The following PPP1R9A variants were observed in gnomAD, a reference collection of about 807,000 sequenced individuals.
The protein encoded by PPP1R9A is neurabin-1.
A neutral mutation model predicts 141.9 loss-of-function variants in PPP1R9A; 59 were observed. The observed-to-expected ratio is 0.42, with a 90% confidence interval of 0.34 to 0.52. The LOEUF (loss-of-function observed/expected upper bound fraction) is 0.52. PPP1R9A is among the 20% of genes least tolerant of loss of function. The probability of loss-of-function intolerance (pLI) is 0.10; values close to 1 mark genes in which losing one functional copy is unlikely to be tolerated. For missense variants in PPP1R9A, 1,444 were observed against 1,611.9 expected (o/e 0.90, Z 1.78); for synonymous variants, 500 against 569.7 (o/e 0.88, Z 1.74).
intron 2 of PPP1R9A, among the ~76,000 whole-genome samples, chr7:94,995,014 G>T (rs1801993846): frequency 6.6e-6 from 1 of 152,006 alleles, no homozygotes; most frequent in South Asian, 2.1e-4. Context: ...ACTGTTTAAT[G>T]CAGTTTGCTA....
At chr7:95,068,193 G>C (rs1235764870) in intron 2 of PPP1R9A, among the ~76,000 whole-genome samples, 2 of 152,180 alleles carry the variant, frequency 1.3e-5, no homozygotes, top group Admixed American at 1.3e-4. Context: ...CATTCGGCCA[G>C]GCGTGGTGGC....
intron 16 of PPP1R9A, among the ~76,000 whole-genome samples, chr7:95,280,406 A>C (rs1803977073): frequency 6.6e-6 from 1 of 152,232 alleles, no homozygotes; most frequent in Admixed American, 6.5e-5. Flanking sequence ...TCAAAGTTAG[A>C]ATGACAACAA....
intron 2 of PPP1R9A, among the ~76,000 whole-genome samples, chr7:95,081,171 A>G (rs749865152): frequency 4.6e-5 from 7 of 152,204 alleles, no homozygotes; most frequent in Non-Finnish European, 8.8e-5. Context: ...AAGCTTAAGG[A>G]TATTTGTAGA....
At chr7:94,990,565 A>G (rs1801381854) in intron 2 of PPP1R9A, among the ~76,000 whole-genome samples, 1 of 152,066 alleles carries the variant, frequency 6.6e-6, no homozygotes, top group Admixed American at 6.5e-5. Context: ...GGAATGTTTA[A>G]TATCCTCTTT....
At chr7:95,120,606 A>G (rs1822392824) in intron 3 of PPP1R9A, 106 bp from the exon 4 acceptor site, 5 of 1,281,584 alleles carry the variant, frequency 3.9e-6, no homozygotes, top group Non-Finnish European at 5.4e-6. Flanking sequence ...TGTCCTATCC[A>G]TAAGGAAAAA....
intron 5 of PPP1R9A, among the ~76,000 whole-genome samples, chr7:95,194,525 A>G (rs763550157): frequency 2.6e-5 from 4 of 152,040 alleles, no homozygotes; most frequent in Non-Finnish European, 4.4e-5. Context: ...GAAGTAAAAT[A>G]TGTATTTCTT....
chr7:95,120,518 A>G (rs757590071), intron 3 of PPP1R9A, among the ~76,000 whole-genome samples, 194 bp from the exon 4 acceptor site: 5 of 152,366 alleles, frequency 3.3e-5, no homozygotes, highest in Non-Finnish European at 7.3e-5. Flanking sequence ...TGCTAAATGC[A>G]TGAGCCTTTT....
At chr7:95,029,811 A>AT (rs1807404054) in intron 2 of PPP1R9A, among the ~76,000 whole-genome samples, 1 of 152,102 alleles carries the variant, frequency 6.6e-6, no homozygotes, top group South Asian at 2.1e-4. Flanking sequence ...TTGATTTCAT[A>AT]TTTCTGATGC....
chr7:95,103,741 G>T (rs1000601380), intron 2 of PPP1R9A, among the ~76,000 whole-genome samples: 1 of 152,072 alleles, frequency 6.6e-6, no homozygotes, highest in African/African-American at 2.4e-5. Flanking sequence ...TGTCCTAATA[G>T]ACTTTGTCTT....
At chr7:94,986,676 A>G (rs1188291207) in intron 2 of PPP1R9A, among the ~76,000 whole-genome samples, 6 of 152,220 alleles carry the variant, frequency 3.9e-5, no homozygotes, top group Non-Finnish European at 7.3e-5. Context: ...ATCCAGATTT[A>G]ATCATTATAC....
intron 5 of PPP1R9A, among the ~76,000 whole-genome samples, chr7:95,189,670 T>C (rs1222598100): frequency 6.6e-6 from 1 of 151,860 alleles, no homozygotes; most frequent in Non-Finnish European, 1.5e-5. Flanking sequence ...TCTCCTGACC[T>C]CGTGATCCGC....
At chr7:95,240,565 A>AT (rs1219985684) in intron 8 of PPP1R9A, among the ~76,000 whole-genome samples, 2 of 151,086 alleles carry the variant, frequency 1.3e-5, no homozygotes, top group Non-Finnish European at 3.0e-5. Flanking sequence ...CTTTTTGTTA[A>AT]TTTTTTATTG....
At chr7:95,009,307 A>AAT (rs905919950) in intron 2 of PPP1R9A, among the ~76,000 whole-genome samples, 7 of 152,184 alleles carry the variant, frequency 4.6e-5, no homozygotes, top group Non-Finnish European at 1.0e-4. Flanking sequence ...TAATGAAGAA[A>AAT]ATATATATTA....
chr7:95,271,126 G>C (rs1460204490), intron 14 of PPP1R9A, among the ~76,000 whole-genome samples: 4 of 152,154 alleles, frequency 2.6e-5, no homozygotes, highest in African/African-American at 9.7e-5. Flanking sequence ...AAGGTACAAG[G>C]CTATCCCAGC....
chr7:95,052,750 T>G (rs956236497), intron 2 of PPP1R9A, among the ~76,000 whole-genome samples: 2 of 152,184 alleles, frequency 1.3e-5, no homozygotes, highest in Non-Finnish European at 2.9e-5. Context: ...GTGTTCCCAG[T>G]TTTAGTTATT....
chr7:94,909,402 A>G (rs1791200462), intron 1 of PPP1R9A, among the ~76,000 whole-genome samples: 2 of 152,222 alleles, frequency 1.3e-5, no homozygotes, highest in Admixed American at 6.5e-5. Flanking sequence ...AAAGTAAAAT[A>G]TGCCGCTGTA....
intron 2 of PPP1R9A, among the ~76,000 whole-genome samples, chr7:95,090,478 A>ATG (rs1817199085): frequency 6.6e-6 from 1 of 151,946 alleles, no homozygotes; most frequent in Admixed American, 6.6e-5. Context: ...ACATTTACCA[A>ATG]AGCTCTATAT....
At chr7:95,280,022 T>G (rs1171414837) in intron 16 of PPP1R9A, among the ~76,000 whole-genome samples, 1 of 152,134 alleles carries the variant, frequency 6.6e-6, no homozygotes, top group East Asian at 1.9e-4. Flanking sequence ...TATTATTGAT[T>G]AGATCAGAAC....
intron 2 of PPP1R9A, among the ~76,000 whole-genome samples, chr7:95,006,750 G>A (rs1803660037): frequency 6.6e-6 from 1 of 152,036 alleles, no homozygotes; most frequent in South Asian, 2.1e-4. Flanking sequence ...ATTCTGATAT[G>A]GTCTCCTGGA....
Sources: gnomAD v4.1 joint callset for allele counts (sites outside exome capture counted in the v4.1 genomes callset) on GRCh38, gnomAD v4.1.1 for gene constraint, MANE v1.5 for transcripts, NCBI Gene and HGNC (gene_info 2026-07-23, HGNC 2026-07-21) for gene names.